POLA1: variants seen among roughly 807,000 people sequenced by gnomAD.
POLA1 encodes DNA polymerase alpha catalytic subunit.
A neutral mutation model predicts 124.0 loss-of-function variants in POLA1; 15 were observed. The ratio of observed to expected loss-of-function variants is 0.12; its 90% CI spans 0.08 to 0.19. The LOEUF is 0.19. Among genes scored for constraint, POLA1 ranks in the 10% least tolerant of loss-of-function variants. POLA1 has a pLI of 1.00. For synonymous variants in POLA1, 408 were observed against 389.4 expected, an observed-to-expected ratio of 1.05 and a Z score of -0.56; for missense variants, 886 against 1,103.4, an observed-to-expected ratio of 0.80 and a Z score of 2.79.
intron 32 of POLA1, among the ~76,000 whole-genome samples, chrX:24,832,700 T>TA (rs1417528611): frequency 8.9e-6 from 1 of 111,867 alleles, no homozygotes; most frequent in Non-Finnish European, 1.9e-5. Context: ...TGGGTAAGGA[T>TA]AAAAAAAGCT....
intron 34 of POLA1, among the ~76,000 whole-genome samples, chrX:24,849,758 G>A (rs1261425882): frequency 4.6e-5 from 5 of 109,702 alleles, no homozygotes; most frequent in Non-Finnish European, 9.5e-5. Context: ...AGCCTCCCGA[G>A]TAGCTGGGAC....
intron 36 of POLA1, among the ~76,000 whole-genome samples, chrX:24,950,040 C>G (rs1302556030): frequency 3.6e-5 from 4 of 112,160 alleles, no homozygotes; most frequent in Non-Finnish European, 5.6e-5. Context: ...CTACTGTATA[C>G]TTTTCAAAGC....
At chrX:24,905,693 G>T (rs2047357250) in intron 35 of POLA1, among the ~76,000 whole-genome samples, 1 of 108,744 alleles carries the variant, frequency 9.2e-6, no homozygotes, top group South Asian at 4.1e-4. Flanking sequence ...CTCCTGAGTA[G>T]CTGGGATTAT....
At chrX:24,776,458 G>A (rs1327640313) in intron 26 of POLA1, among the ~76,000 whole-genome samples, 1 of 112,044 alleles carries the variant, frequency 8.9e-6, no homozygotes, top group Non-Finnish European at 1.9e-5. Context: ...CTATAGCAAA[G>A]CGTGTGAAAA....
At chrX:24,815,373 C>G (rs1161882008) in intron 30 of POLA1, among the ~76,000 whole-genome samples, 1 of 110,381 alleles carries the variant, frequency 9.1e-6, no homozygotes, top group East Asian at 2.8e-4. Flanking sequence ...TGGAGTGATA[C>G]AGTTTACATT....
In POLA1 at chrX:24,732,599, GTTTTTT is replaced by G. The variant is rs5901763; in HGVS notation, c.1771+154_1771+159del. ...GTTAAAGAGGGTTTTGTTTTTTTTT[GTTTTTT>G]TTTTTTTTGCCATGGAAACTAAGTT... On this transcript the variant is annotated intron_variant, in intron 16 of 36. Coordinates refer to ENST00000379068, the MANE Select transcript of POLA1 (RefSeq NM_001330360.2). 6 of 206,906 alleles carry G rather than the reference GTTTTTT, an allele frequency of 2.9e-5. No homozygotes were observed. In the Admixed American group the frequency reaches 4.5e-4, roughly 16 times the overall value. 17.1% of individuals were successfully genotyped at this position (206,906 alleles called of 1,213,427 possible). A position where few individuals can be genotyped will look rare whatever the true frequency, so the allele number is the denominator to read the frequency against.
At chrX:24,812,547 G>T in intron 28 of POLA1, 111 bp from the exon 29 acceptor site, 1 of 477,459 alleles carries the variant, frequency 2.1e-6, no homozygotes, top group South Asian at 3.3e-5. Flanking sequence ...AAATTCCAAT[G>T]TTGTATGACT....
Position 24,969,094 on chromosome X carries a change from G to A in POLA1, c.4262-26711G>A, listed in dbSNP as rs137935111. ...GTGGTGGCACACGCCTGTAGTCCCA[G>A]CTACTTGGGAGGCTGAGGCAGGAGA... On this transcript the variant is annotated intron_variant, in intron 36 of 36. Transcript: ENST00000379068. Among the ~76,000 whole-genome samples, 459 of 110,379 alleles carry A rather than the reference G, an allele frequency of 4.2e-3. 6 individuals are homozygous for A. Among genetic ancestry groups the A allele is most frequent in the African/African-American group, 0.015 (451 of 30,217 alleles).
At position 24,726,012 on chromosome X, in the gene POLA1, C is replaced by T; in HGVS notation, c.1349C>T (p.Pro450Leu). ...GAAAAGAACTATGCTTTTGAGATAC[C>T]TGATGTTCCAGAAAAATCTGAGTAC... Reference protein sequence around the residue: ...PVEKNYAFEIPDVPEKSEYLE... With the variant: ...PVEKNYAFEILDVPEKSEYLE... Residue 450 changes from proline (P) to leucine (L), a missense_variant, in exon 13 of 37, where the codon CCT becomes CTT. Physicochemically the swap from Pro to Leu is moderately conservative, Grantham distance 98 (BLOSUM62 -3). Transcript: ENST00000379068. The T allele has an allele frequency of 8.4e-7, 1 of 1,185,885 alleles. No homozygotes were observed. The highest frequency in any genetic ancestry group is 3.0e-5 in the East Asian group (1 of 33,552).
chrX:24,908,485 T>C (rs1351679061), intron 35 of POLA1, among the ~76,000 whole-genome samples: 1 of 103,835 alleles, frequency 9.6e-6, no homozygotes, highest in Non-Finnish European at 2.0e-5. Context: ...ACATGCGGTG[T>C]TTGGTTTTTT....
At position 24,826,476 on chromosome X, in the gene POLA1, T is replaced by C; in HGVS notation, c.3611T>C (p.Leu1204Pro). 8.3e-7 allele frequency: 1 copy of C among 1,206,937 alleles called. No homozygotes were observed. Among genetic ancestry groups the C allele is most frequent in the Non-Finnish European group, 1.1e-6 (1 of 891,733 alleles). ...CAGAGGGCCTATGCGCCTGAGCAGC[T>C]GCAGAAACAGGATAATCTAACCATT... ...ASQRAYAPEQ[L>P]QKQDNLTIDT... The change falls in exon 32 of 37, where the codon CTG (leucine) becomes CCG (proline). Residue 1204 changes from leucine (L) to proline (P), a missense_variant. Around this residue, in one of 7 missense-constraint regions of POLA1, gnomAD observed 313 missense variants for 359.7 expected, o/e 0.87. Transcript: ENST00000379068.
chrX:24,735,563 TTTTGAG>T, intron 18 of POLA1, 75 bp downstream of exon 18: 1 of 589,101 alleles, frequency 1.7e-6, no homozygotes. Context: ...TTATTGGTGC[TTTTGAG>T]CAGCAAATAA....
At chrX:24,710,098 G>A (rs374030735) in intron 4 of POLA1, among the ~76,000 whole-genome samples, 91 of 94,052 alleles carry the variant, frequency 9.7e-4, no homozygotes, top group African/African-American at 3.3e-3. Flanking sequence ...GCTGCCTCCC[G>A]GGCGGCGCTC....
chrX:24,785,350 G>A (rs145821531), intron 26 of POLA1, among the ~76,000 whole-genome samples: 319 of 111,986 alleles, frequency 2.8e-3, no homozygotes, highest in African/African-American at 1.0e-2. Context: ...ATGGTCTCAT[G>A]AGTGGCTGAA....
chrX:24,913,813 A>G (rs2047488285), intron 35 of POLA1, among the ~76,000 whole-genome samples: 1 of 110,551 alleles, frequency 9.0e-6, no homozygotes, highest in South Asian at 3.9e-4. Context: ...GGATCACCCA[A>G]GATCGGGAGT....
chrX:24,996,085 AC>A lies in POLA1; in HGVS notation c.*137del. The A allele has an allele frequency of 1.8e-6, 1 of 546,075 alleles. No individual in the cohort carries two copies. Among genetic ancestry groups the A allele is most frequent in the Non-Finnish European group, 2.9e-6 (1 of 342,380 alleles). The allele number at this position is 546,075 out of a possible 1,213,427, so 45.0% of individuals were successfully genotyped here. On this transcript the variant is annotated 3_prime_UTR_variant, in exon 37 of 37. Coordinates refer to ENST00000379068, the MANE Select transcript of POLA1 (RefSeq NM_001330360.2). Reference sequence around the variant, plus strand: ...GTGTCTCATGTTTGTGTGAATGTAGACCAGGAAAGGGGGCTGCAAAAATGTT... The same window carrying A: ...GTGTCTCATGTTTGTGTGAATGTAGACAGGAAAGGGGGCTGCAAAAATGTT...
chrX:24,750,311 A>G (rs1932257190), intron 26 of POLA1, among the ~76,000 whole-genome samples: 1 of 112,891 alleles, frequency 8.9e-6, no homozygotes, highest in Non-Finnish European at 1.9e-5. Context: ...AACGTTCTCC[A>G]TCTGCACTAT....
At chrX:24,718,465 G>A (rs1395738331) in intron 10 of POLA1, among the ~76,000 whole-genome samples, 2 of 111,257 alleles carry the variant, frequency 1.8e-5, no homozygotes, top group East Asian at 5.7e-4. Flanking sequence ...GAAGGAGGAG[G>A]CCTGTGTGGT....
At chrX:24,704,153 C>A (rs1167171103) in intron 3 of POLA1, among the ~76,000 whole-genome samples, 1 of 111,659 alleles carries the variant, frequency 9.0e-6, no homozygotes, top group Non-Finnish European at 1.9e-5. Context: ...TGGGCCAAAT[C>A]GTTTCCTGAG....
Sources: gnomAD v4.1 joint callset for allele counts (sites outside exome capture counted in the v4.1 genomes callset) on GRCh38, gnomAD v4.1.1 for gene constraint, gnomAD v4.1.1 regional missense constraint, MANE v1.5 for transcripts, NCBI Gene and HGNC (gene_info 2026-07-23, HGNC 2026-07-21) for gene names.